Variants in LAMA1 observed in about 807,000 individuals in gnomAD.
LAMA1 encodes the protein laminin subunit alpha-1.
In LAMA1, 219 loss-of-function variants were observed where a neutral mutation model predicts 348.7. The observed-to-expected ratio is 0.63, with a 90% CI of 0.56 to 0.70. The LOEUF (loss-of-function observed/expected upper bound fraction) is 0.70, where lower values mean the gene tolerates loss of function less well. LAMA1 is among the 30% of genes least tolerant of loss of function. LAMA1 has a pLI of 0.00. For synonymous variants in LAMA1, 1,487 were observed against 1,491.0 expected (o/e 1.00, Z 0.06); for missense variants, 3,744 against 3,888.0 (o/e 0.96, Z 0.99).
At position 6,999,927 on chromosome 18, in the gene LAMA1, C is replaced by T; in HGVS notation, c.4453G>A (p.Gly1485Arg). Reference protein sequence around the residue: ...RCDACLLGYEGKHCERCSSSY... With the variant: ...RCDACLLGYERKHCERCSSSY... ...CCCATGTACCTTTCACAGTGTTTTCCTTCATAGCCCAGGAGACAGGCGTCA... is the reference window on the plus strand; with the variant it reads ...CCCATGTACCTTTCACAGTGTTTTCTTTCATAGCCCAGGAGACAGGCGTCA... The change falls in exon 31 of 63, where the codon GGA (glycine) becomes AGA (arginine). Residue 1485 changes from glycine (G) to arginine (R), a missense_variant. Physicochemically the swap from Gly to Arg is moderately radical, Grantham distance 125. Transcript: ENST00000389658. 1 of 1,614,094 alleles carries T rather than the reference C, an allele frequency of 6.2e-7. No individual in the cohort carries two copies. Among genetic ancestry groups the T allele is most frequent in the Non-Finnish European group, 8.5e-7 (1 of 1,179,978 alleles).
intron 48 of LAMA1, among the ~76,000 whole-genome samples, chr18:6,968,577 C>A (rs1267173067): frequency 6.6e-6 from 1 of 152,200 alleles, no homozygotes; most frequent in East Asian, 1.9e-4. Flanking sequence ...AGCCACGTAG[C>A]CAGCACTCTC....
intron 1 of LAMA1, among the ~76,000 whole-genome samples, chr18:7,098,902 G>A (rs1246703289): frequency 6.7e-6 from 1 of 150,100 alleles, no homozygotes; most frequent in Non-Finnish European, 1.5e-5. Flanking sequence ...GGGCGCCTCT[G>A]CCCGGCCGCC....
Position 6,941,878 on chromosome 18 carries a change from G to A in LAMA1, c.*201C>T, listed in dbSNP as rs1371976530. The A allele has an allele frequency of 3.2e-6, 2 of 615,976 alleles. No individual in the cohort carries two copies. The highest frequency in any genetic ancestry group is 2.8e-5 in the Admixed American group (1 of 35,672). The allele number at this position is 615,976 out of a possible 1,614,324, so 38.2% of individuals were successfully genotyped here. A position where few individuals can be genotyped will look rare whatever the true frequency, so the allele number is the denominator to read the frequency against. Reference sequence around the variant, plus strand: ...AAATACGTTTAAAAAGAGAGCCAGGGAATTCAATTTACATTTTAGACCATT... The same window carrying A: ...AAATACGTTTAAAAAGAGAGCCAGGAAATTCAATTTACATTTTAGACCATT... On this transcript the variant is annotated 3_prime_UTR_variant, in exon 63 of 63. Transcript: ENST00000389658.
At position 6,965,446 on chromosome 18, in the gene LAMA1, AAC is replaced by A; in HGVS notation, c.7051-16_7051-15del. 1 of 1,614,092 alleles carries A rather than the reference AAC, an allele frequency of 6.2e-7. No homozygotes were observed. The highest frequency in any genetic ancestry group is 8.5e-7 in the Non-Finnish European group (1 of 1,179,960). On this transcript the variant is annotated splice_polypyrimidine_tract_variant and intron_variant, in intron 49 of 62. Coordinates refer to ENST00000389658, the MANE Select transcript of LAMA1 (RefSeq NM_005559.4). ...TAAAAAGTCTTTCTGTAAAAAAGAG[AAC>A]ACAGTTCCCCAGGTTATAGCTTTAT...
chr18:6,950,027 C>G (rs1040949217), intron 58 of LAMA1, among the ~76,000 whole-genome samples: 6 of 152,132 alleles, frequency 3.9e-5, no homozygotes, highest in African/African-American at 1.2e-4. Flanking sequence ...ATATAGATAA[C>G]ATTGCTATTG....
intron 1 of LAMA1, among the ~76,000 whole-genome samples, chr18:7,111,134 C>T (rs966096042): frequency 8.5e-5 from 13 of 152,102 alleles, no homozygotes; most frequent in Non-Finnish European, 1.8e-4. Flanking sequence ...ACAAGAATGT[C>T]AGTCATACTG....
chr18:7,098,467 T>G (rs2058273158), intron 1 of LAMA1, among the ~76,000 whole-genome samples: 1 of 140,176 alleles, frequency 7.1e-6, no homozygotes, highest in South Asian at 2.4e-4. Context: ...CGGCCGCCCA[T>G]CGTCTAAGAT....
chr18:7,091,893 C>T (rs886793865), intron 1 of LAMA1, among the ~76,000 whole-genome samples: 1 of 152,162 alleles, frequency 6.6e-6, no homozygotes, highest in South Asian at 2.1e-4. Flanking sequence ...AATGCATCAC[C>T]ATCTCTAACA....
At chr18:7,009,151 G>A in intron 27 of LAMA1, 88 bp downstream of exon 27, 2 of 1,378,458 alleles carry the variant, frequency 1.5e-6, no homozygotes, top group Non-Finnish European at 2.1e-6. Flanking sequence ...AATAAAAATA[G>A]TAGGTAATGG....
At chr18:7,053,679 T>C (rs2058070599) in intron 3 of LAMA1, among the ~76,000 whole-genome samples, 1 of 151,894 alleles carries the variant, frequency 6.6e-6, no homozygotes, top group South Asian at 2.1e-4. Context: ...AGGAATTACC[T>C]CTCCAAAAAC....
intron 53 of LAMA1, among the ~76,000 whole-genome samples, chr18:6,960,936 G>T (rs566380952): frequency 3.9e-4 from 59 of 152,340 alleles, no homozygotes; most frequent in African/African-American, 1.4e-3. Flanking sequence ...GTACCCTGCA[G>T]AGTACAAGGT....
intron 29 of LAMA1, among the ~76,000 whole-genome samples, chr18:7,003,991 C>A (rs1009754114): frequency 5.9e-5 from 9 of 152,072 alleles, no homozygotes; most frequent in Admixed American, 5.2e-4. Flanking sequence ...AATGGCATGG[C>A]CTAAACCTGA....
chr18:6,948,908 T>C (rs958646952), intron 59 of LAMA1, among the ~76,000 whole-genome samples, 193 bp downstream of exon 59: 11 of 152,132 alleles, frequency 7.2e-5, no homozygotes, highest in Non-Finnish European at 1.6e-4. Flanking sequence ...ACTAACAGGC[T>C]GGAAAGACTG....
At chr18:7,077,368 A>AT (rs887174976) in intron 3 of LAMA1, among the ~76,000 whole-genome samples, 10 of 151,542 alleles carry the variant, frequency 6.6e-5, no homozygotes, top group Middle Eastern at 3.4e-3. Flanking sequence ...CGCCTGGCTC[A>AT]TTTTTTTGTA....
Position 7,006,557 on chromosome 18 carries a change from A to G in LAMA1, c.4260+582T>C, listed in dbSNP as rs1202085277. Among the ~76,000 whole-genome samples, 3 of 152,222 alleles carry G rather than the reference A, an allele frequency of 2.0e-5. No individual in the cohort carries two copies. The East Asian group carries it at 5.8e-4, about 29-fold the overall frequency. On this transcript the variant is annotated intron_variant, in intron 29 of 62. Transcript: ENST00000389658. ...ACAAGGCATGCAACTACAGTCATCC[A>G]TCACTTAAAGATGGGGATACTGCCT...
chr18:6,975,857 T>C (rs532602982), intron 45 of LAMA1, 80 bp downstream of exon 45: 503 of 1,563,568 alleles, frequency 3.2e-4, no homozygotes, highest in Non-Finnish European at 4.2e-4. Context: ...TATTTTTTTT[T>C]CGTCAAATAA....
chr18:7,089,187 T>C (rs1466420), intron 1 of LAMA1, among the ~76,000 whole-genome samples: 56,847 of 151,732 alleles, frequency 0.37, 11,183 homozygotes, highest in Non-Finnish European at 0.44. Flanking sequence ...GAGACCACCA[T>C]CAGGAGATGA....
chr18:6,997,980 C>T (rs1030132940), intron 32 of LAMA1, 96 bp from the exon 33 acceptor site: 74 of 1,072,502 alleles, frequency 6.9e-5, no homozygotes, highest in Non-Finnish European at 9.6e-5. Context: ...GTGAAAATGA[C>T]ACATGCGGTC....
intron 33 of LAMA1, 95 bp downstream of exon 33, chr18:6,997,647 G>T: frequency 7.3e-7 from 1 of 1,370,228 alleles, no homozygotes; most frequent in Non-Finnish European, 1.0e-6. Flanking sequence ...CTCTCACAAT[G>T]TGGGGAGGAC....
Sources: gnomAD v4.1 joint callset for allele counts (sites outside exome capture counted in the v4.1 genomes callset) on GRCh38, gnomAD v4.1.1 for gene constraint, MANE v1.5 for transcripts, NCBI Gene and HGNC (gene_info 2026-07-23, HGNC 2026-07-21) for gene names.